Variants in KMT2C observed in about 807,000 individuals in gnomAD.
KMT2C encodes lysine methyltransferase 2C, also known as histone-lysine N-methyltransferase 2C.
Under a neutral mutation model 507.9 loss-of-function variants are expected in KMT2C, and 88 were observed. The ratio of observed to expected loss-of-function variants is 0.17; its 90% confidence interval spans 0.15 to 0.21. The LOEUF is 0.21. KMT2C is among the 10% of genes least tolerant of loss of function. The probability of loss-of-function intolerance (pLI) is 1.00; values close to 1 mark genes in which losing one functional copy is unlikely to be tolerated. For missense variants in KMT2C, 4,954 were observed against 5,957.8 expected (o/e 0.83, Z 5.55); for synonymous variants, 2,049 against 2,080.8 (o/e 0.98, Z 0.42).
chr7:152,270,827 G>C (rs891376987), intron 7 of KMT2C, among the ~76,000 whole-genome samples: 1 of 152,086 alleles, frequency 6.6e-6, no homozygotes, highest in Admixed American at 6.6e-5. Flanking sequence ...CTATGACAGA[G>C]CACCCTAAAA....
At chr7:152,307,115 G>A (rs543556754) in intron 6 of KMT2C, among the ~76,000 whole-genome samples, 1 of 151,660 alleles carries the variant, frequency 6.6e-6, no homozygotes, top group East Asian at 2.0e-4. Context: ...CCGTGATCAT[G>A]CCACTGCTCT....
At chr7:152,334,195 C>T (rs1206119789) in intron 2 of KMT2C, among the ~76,000 whole-genome samples, 1 of 152,220 alleles carries the variant, frequency 6.6e-6, no homozygotes, top group African/African-American at 2.4e-5. Context: ...GTGGCTCACG[C>T]CTGTAATCCC....
chr7:152,186,238 A>G (rs1227401883), intron 33 of KMT2C, among the ~76,000 whole-genome samples: 1 of 152,260 alleles, frequency 6.6e-6, no homozygotes, highest in Non-Finnish European at 1.5e-5. Context: ...ATCAGTTCAC[A>G]GACCAACAGC....
intron 6 of KMT2C, among the ~76,000 whole-genome samples, chr7:152,290,284 A>T (rs1421080892): frequency 2.9e-5 from 1 of 33,978 alleles, no homozygotes; most frequent in Non-Finnish European, 5.3e-5. Context: ...ATATATATAT[A>T]TATATATATA....
chr7:152,221,909 T>C (rs1034756468), intron 22 of KMT2C, 92 bp downstream of exon 22: 67 of 852,188 alleles, frequency 7.9e-5, no homozygotes, highest in Admixed American at 9.3e-5. Context: ...AACACCCATA[T>C]GATTGAAGCA....
At chr7:152,146,882 A>T in intron 52 of KMT2C, 147 bp from the exon 53 acceptor site, 1 of 782,222 alleles carries the variant, frequency 1.3e-6, no homozygotes, top group South Asian at 2.0e-5. Flanking sequence ...GTTTGGTAAT[A>T]ATCTAATGAA....
chr7:152,287,323 T>C (rs953289689), intron 6 of KMT2C, among the ~76,000 whole-genome samples: 3 of 152,200 alleles, frequency 2.0e-5, no homozygotes, highest in East Asian at 1.9e-4. Context: ...CAGGAACCTT[T>C]TGAGCCAGGG....
intron 43 of KMT2C, among the ~76,000 whole-genome samples, 179 bp from the exon 44 acceptor site, chr7:152,159,251 G>A (rs768441471): frequency 6.6e-6 from 1 of 152,296 alleles, no homozygotes; most frequent in Non-Finnish European, 1.5e-5. Flanking sequence ...TTCTTCAAAC[G>A]TTATTCTCGA....
intron 1 of KMT2C, among the ~76,000 whole-genome samples, chr7:152,430,967 A>T (rs571198530): frequency 6.3e-4 from 96 of 152,330 alleles, no homozygotes; most frequent in Non-Finnish European, 1.2e-3. Context: ...ACCCAGAGAA[A>T]CCTGACTGTG....
intron 31 of KMT2C, 115 bp downstream of exon 31, chr7:152,193,894 A>T (rs1384852554): frequency 1.2e-6 from 1 of 835,240 alleles, no homozygotes; most frequent in Non-Finnish European, 1.7e-6. Flanking sequence ...TCTCCCTATC[A>T]GTTTGTATAC....
intron 6 of KMT2C, among the ~76,000 whole-genome samples, chr7:152,299,967 C>A (rs1336566439): frequency 6.6e-6 from 1 of 152,112 alleles, no homozygotes; most frequent in African/African-American, 2.4e-5. Context: ...AAGCATATTT[C>A]AGAGTTAAAC....
Position 152,250,878 on chromosome 7 carries a change from C to A in KMT2C, c.1710G>T (p.Glu570Asp). 6.2e-7 allele frequency: 1 copy of A among 1,602,532 alleles called. No individual in the cohort carries two copies. Residue 570 changes from glutamate (E) to aspartate (D), a missense_variant, in exon 12 of 59, where the codon GAG becomes GAT. Glu to Asp is a conservative substitution (Grantham distance 45). Coordinates refer to ENST00000262189, the MANE Select transcript of KMT2C (RefSeq NM_170606.3). ...QAANKDVNGQ[E>D]STPGIVPDAV... Reference sequence around the variant, plus strand: ...CATCTGGAACAATTCCAGGAGTGGACTCCTGACCGTTGACATCTTTATTAG... The same window carrying A: ...CATCTGGAACAATTCCAGGAGTGGAATCCTGACCGTTGACATCTTTATTAG...
chr7:152,366,879 A>G, intron 1 of KMT2C: 1 of 342,278 alleles, frequency 2.9e-6, no homozygotes, highest in Non-Finnish European at 5.4e-6. Context: ...CGGGCGCAGC[A>G]AGGGCCAGAC....
chr7:152,352,592 C>CT (rs1378523874), intron 2 of KMT2C, among the ~76,000 whole-genome samples: 1 of 152,170 alleles, frequency 6.6e-6, no homozygotes, highest in Non-Finnish European at 1.5e-5. Context: ...CTCTGTCCCT[C>CT]TATTTCTCAA....
At chr7:152,350,912 T>C (rs2097105648) in intron 2 of KMT2C, among the ~76,000 whole-genome samples, 1 of 152,234 alleles carries the variant, frequency 6.6e-6, no homozygotes, top group African/African-American at 2.4e-5. Flanking sequence ...AAAATCTTCC[T>C]TTCTACCCTT....
rs150101620 is a variant in KMT2C, at chr7:152,179,911, A to G, written c.7365T>C (p.Tyr2455=). Reference sequence around the variant, plus strand: ...CACGCTGATCTTTTGGGAAAACAGCATATCTAGGTCCTAAAGGAGGGGCAA... The same window carrying G: ...CACGCTGATCTTTTGGGAAAACAGCGTATCTAGGTCCTAAAGGAGGGGCAA... ...SPVAPPLGPR[Y]AVFPKDQRGP... is the part of the protein sequence containing the mutation. Residue 2455 remains tyrosine, a synonymous_variant, in exon 37 of 59, where the codon TAT becomes TAC. Transcript: ENST00000262189. The G allele has an allele frequency of 4.7e-5, 76 of 1,613,998 alleles. No individual in the cohort carries two copies. Among genetic ancestry groups the G allele is most frequent in the African/African-American group, 3.1e-4 (23 of 74,916 alleles).
At chr7:152,251,033 T>C (rs2095554921) in intron 11 of KMT2C, 67 bp from the exon 12 acceptor site, 3 of 903,432 alleles carry the variant, frequency 3.3e-6, no homozygotes, top group Non-Finnish European at 5.4e-6. Flanking sequence ...AAGTCAACAA[T>C]TATGATTTTG....
In KMT2C at chr7:152,184,518, T is replaced by C. The variant is rs1456715028; in HGVS notation, c.5082+1040A>G. ...GGCAAAGATCATGTGTCAAAAACTC[T>C]TTAAACATGTCTAAATATTTCTCTT... On this transcript the variant is annotated intron_variant, in intron 34 of 58. Coordinates refer to ENST00000262189, the MANE Select transcript of KMT2C (RefSeq NM_170606.3). Among the ~76,000 whole-genome samples, 3 of 152,208 alleles carry C rather than the reference T, an allele frequency of 2.0e-5. No individual in the cohort carries two copies. The East Asian group carries it at 5.8e-4, about 29-fold the overall frequency.
chr7:152,408,371 A>G (rs112275871), intron 1 of KMT2C, among the ~76,000 whole-genome samples: 375 of 143,168 alleles, frequency 2.6e-3, no homozygotes, highest in South Asian at 5.2e-3. Flanking sequence ...ACATATGTCT[A>G]CTTATAAACT....
Sources: gnomAD v4.1 joint callset for allele counts (sites outside exome capture counted in the v4.1 genomes callset) on GRCh38, gnomAD v4.1.1 for gene constraint, MANE v1.5 for transcripts, NCBI Gene and HGNC (gene_info 2026-07-23, HGNC 2026-07-21) for gene names.